DZIP1: variants seen among roughly 807,000 people sequenced by gnomAD.
DZIP1 encodes cilium assembly protein DZIP1.
Under a neutral mutation model 107.6 loss-of-function variants are expected in DZIP1, and 97 were observed. The observed-to-expected ratio is 0.90, with a 90% confidence interval of 0.77 to 1.07. The LOEUF is 1.07. Among genes scored for constraint, DZIP1 ranks in the 50% least tolerant of loss-of-function variants. DZIP1 has a pLI of 0.00. For synonymous variants in DZIP1, 390 were observed against 386.4 expected (o/e 1.01, Z -0.11); for missense variants, 1,035 against 1,063.6 (o/e 0.97, Z 0.37).
At chr13:95,624,951 T>C (rs1876357827) in intron 7 of DZIP1, 22 bp from the exon 8 acceptor site, 1 of 1,562,586 alleles carries the variant, frequency 6.4e-7, no homozygotes, top group African/African-American at 1.4e-5. Context: ...TTAATACACA[T>C]CTTTAAAAGT....
intron 6 of DZIP1, 129 bp downstream of exon 6, chr13:95,633,105 A>T: frequency 1.2e-6 from 1 of 832,036 alleles, no homozygotes; most frequent in South Asian, 1.8e-5. Flanking sequence ...CTCCATATTT[A>T]CTTACTGAAT....
chr13:95,590,370 T>C lies in DZIP1; in HGVS notation c.1752A>G (p.Gln584=). The C allele has an allele frequency of 6.2e-7, 1 of 1,614,002 alleles. No individual in the cohort carries two copies. The highest frequency in any genetic ancestry group is 8.5e-7 in the Non-Finnish European group (1 of 1,179,978). The change falls in exon 17 of 23, where the codon CAA becomes CAG. Residue 584 remains glutamine, a synonymous_variant. Transcript: ENST00000376829. ...LKSVESERHK[Q]EREIPNFHQI... ...GATGAAAGTTAGGTATTTCTCTTTC[T>C]TGCTTATGTCTTTCTGATTCCACAC...
chr13:95,641,844 C>A lies in DZIP1; in HGVS notation c.48G>T (p.Lys16Asn), dbSNP rs867824219. The stretch of plus-strand genomic sequence containing the variant: ...CGCTGGCGAGCGGGTAGTAGACATG[C>A]TTCTGGAAGGGCTGCGGGGGGCACA... ...ADWFSSMPFQKHVYYPLASGP... is the reference protein window; with the variant it reads ...ADWFSSMPFQNHVYYPLASGP... Residue 16 changes from lysine to asparagine, a missense_variant, in exon 5 of 23, where the codon AAG (lysine) becomes AAT (asparagine). Physicochemically the swap from Lys to Asn is moderately conservative, Grantham distance 94 (BLOSUM62 0). Coordinates refer to ENST00000376829, the MANE Select transcript of DZIP1 (RefSeq NM_198968.4). This position sits in a 1 kb window ranked among gnomAD's most constrained non-coding sequence, Gnocchi z 4.3. 7.3e-7 allele frequency: 1 copy of A among 1,370,442 alleles called. No homozygotes were observed. Among genetic ancestry groups the A allele is most frequent in the East Asian group, 3.2e-5 (1 of 31,146 alleles). 84.9% of individuals were successfully genotyped at this position (1,370,442 alleles called of 1,614,324 possible).
rs1424783080 is a variant in DZIP1 at position 95,641,443 on chromosome 13, C to A, written c.449G>T (p.Arg150Leu). 2.5e-6 allele frequency: 4 copies of A among 1,614,126 alleles called. No individual in the cohort carries two copies. Among genetic ancestry groups the A allele is most frequent in the Non-Finnish European group, 2.5e-6 (3 of 1,180,038 alleles). The stretch of plus-strand genomic sequence containing the variant: ...CTGCTCGCCGTCGCAGTGGCTCAGG[C>A]GCAGCCGCTCCTCCAGGGTGTGCAG... Reference protein sequence around the residue: ...SQLHTLEERLRLSHCDGEQSK... With the variant: ...SQLHTLEERLLLSHCDGEQSK... Residue 150 changes from arginine to leucine, a missense_variant, in exon 5 of 23, where the codon CGC (arginine) becomes CTC (leucine). By Grantham distance (102) the Arg-to-Leu change is moderately radical (BLOSUM62 -2). Transcript: ENST00000376829. This position sits in a 1 kb window ranked among gnomAD's most constrained non-coding sequence, Gnocchi z 4.3.
intron 22 of DZIP1, among the ~76,000 whole-genome samples, chr13:95,583,972 A>T (rs1472171959): frequency 2.0e-5 from 3 of 151,872 alleles, no homozygotes; most frequent in East Asian, 1.9e-4. Flanking sequence ...AAAAATAAAA[A>T]AATAATAATA....
At position 95,612,103 on chromosome 13, in the gene DZIP1, T is replaced by C. The variant is rs1224654944; in HGVS notation, c.1248A>G (p.Lys416=). 1.2e-6 allele frequency: 2 copies of C among 1,613,826 alleles called. No homozygotes were observed. The highest frequency in any genetic ancestry group is 2.2e-5 in the South Asian group (2 of 91,086). The change falls in exon 11 of 23, where the codon AAA becomes AAG. Residue 416 remains lysine (K), a synonymous_variant. Coordinates refer to ENST00000376829, the MANE Select transcript of DZIP1 (RefSeq NM_198968.4). ...DLNASNVFYK[K]RIEELGQRLQ... is the part of the protein sequence containing the mutation. Reference sequence around the variant, plus strand: ...GTCTCTGCCCTAGCTCTTCTATCCTTTTCTTATAGAAAACATTGCTTGCAT... The same window carrying C: ...GTCTCTGCCCTAGCTCTTCTATCCTCTTCTTATAGAAAACATTGCTTGCAT...
intron 22 of DZIP1, among the ~76,000 whole-genome samples, chr13:95,583,262 TAAA>T (rs11295025): frequency 2.8e-5 from 4 of 142,324 alleles, no homozygotes; most frequent in Non-Finnish European, 3.0e-5. Flanking sequence ...CCCCATCTCT[TAAA>T]AAAAAAAAAA....
intron 20 of DZIP1, 78 bp downstream of exon 20, chr13:95,587,461 C>A: frequency 6.5e-7 from 1 of 1,545,022 alleles, no homozygotes; most frequent in Non-Finnish European, 8.8e-7. Context: ...AGCTCAGACT[C>A]CCAGTGCTCG....
At chr13:95,596,974 C>G (rs1439393595) in intron 15 of DZIP1, among the ~76,000 whole-genome samples, 1 of 152,186 alleles carries the variant, frequency 6.6e-6, no homozygotes, top group African/African-American at 2.4e-5. Context: ...CACGTGGACC[C>G]TGGGGTGTTT....
In DZIP1 at chr13:95,641,202, TAAG is replaced by T; in HGVS notation, c.597+90_597+92del. ...TCTTCTGATATACAATATAAATCTT[TAAG>T]AAGAAAGAGTGGTGATACGGGACAG... On this transcript the variant is annotated intron_variant, in intron 5 of 22. Coordinates refer to ENST00000376829, the MANE Select transcript of DZIP1 (RefSeq NM_198968.4). This position sits in a 1 kb window ranked among gnomAD's most constrained non-coding sequence, Gnocchi z 4.3. 1.3e-6 allele frequency: 2 copies of T among 1,486,974 alleles called. No homozygotes were observed. Among genetic ancestry groups the T allele is most frequent in the Middle Eastern group, 1.8e-4 (1 of 5,438 alleles). 92.1% of individuals were successfully genotyped at this position (1,486,974 alleles called of 1,614,324 possible). A position where few individuals can be genotyped will look rare whatever the true frequency, so the allele number is the denominator to read the frequency against.
chr13:95,603,092 G>A (rs886742524), intron 14 of DZIP1, among the ~76,000 whole-genome samples: 1 of 152,038 alleles, frequency 6.6e-6, no homozygotes, highest in Non-Finnish European at 1.5e-5. Context: ...GGCTGAGGTG[G>A]GAGGATCATT....
chr13:95,636,925 C>G (rs1877887046), intron 5 of DZIP1: 1 of 152,054 alleles, frequency 6.6e-6, no homozygotes, highest in Admixed American at 6.5e-5. Context: ...TACTAGGCTT[C>G]AAGCAGAAAG....
chr13:95,605,493 G>A (rs2044745953), intron 14 of DZIP1, among the ~76,000 whole-genome samples: 1 of 152,170 alleles, frequency 6.6e-6, no homozygotes, highest in African/African-American at 2.4e-5. Context: ...ACTGAACCCT[G>A]GTAATGATTT....
At chr13:95,602,208 A>G (rs2044638410) in intron 14 of DZIP1, among the ~76,000 whole-genome samples, 1 of 152,090 alleles carries the variant, frequency 6.6e-6, no homozygotes, top group African/African-American at 2.4e-5. Context: ...ATGGCCAAGT[A>G]ATTACTCTAA....
chr13:95,609,807 C>A (rs1329936126), intron 12 of DZIP1, among the ~76,000 whole-genome samples: 1 of 152,036 alleles, frequency 6.6e-6, no homozygotes, highest in Non-Finnish European at 1.5e-5. Flanking sequence ...CCCTCTTTCC[C>A]GAACTCTTTA....
At chr13:95,617,146 G>A (rs997839148) in intron 10 of DZIP1, among the ~76,000 whole-genome samples, 6 of 151,832 alleles carry the variant, frequency 4.0e-5, no homozygotes, top group South Asian at 2.1e-4. Context: ...AGGTTGCAGT[G>A]AGCCAAGATG....
Position 95,587,537 on chromosome 13 carries a change from AC to A in DZIP1, c.2218+1del. 1 of 1,613,680 alleles carries A rather than the reference AC, an allele frequency of 6.2e-7. No individual in the cohort carries two copies. The highest frequency in any genetic ancestry group is 1.1e-5 in the South Asian group (1 of 91,054). On this transcript the variant is annotated splice_donor_variant, in intron 20 of 22. Transcript: ENST00000376829. LOFTEE classifies it high-confidence loss of function. ...AGAGAGTTTTCCAAGGTAACAGCTC[AC>A]CTGCGGGCTTGGGAGAATCATCAGT...
intron 13 of DZIP1, among the ~76,000 whole-genome samples, chr13:95,608,450 T>G (rs1051121002): frequency 1.1e-4 from 16 of 149,750 alleles, no homozygotes; most frequent in Non-Finnish European, 8.9e-5. Context: ...GACTTGGGTT[T>G]TTTTTTTTTT....
intron 9 of DZIP1, among the ~76,000 whole-genome samples, 180 bp from the exon 10 acceptor site, chr13:95,620,127 G>A (rs371008989): frequency 3.9e-5 from 6 of 152,160 alleles, no homozygotes; most frequent in African/African-American, 1.2e-4. Context: ...GGAAGGGCCT[G>A]GTGGGAGATG....
Sources: gnomAD v4.1 joint callset for allele counts (sites outside exome capture counted in the v4.1 genomes callset) on GRCh38, gnomAD v4.1.1 for gene constraint, Gnocchi (gnomAD v3.1) non-coding constraint, MANE v1.5 for transcripts, NCBI Gene and HGNC (gene_info 2026-07-23, HGNC 2026-07-21) for gene names.